Variants in PARPBP observed in about 807,000 individuals in gnomAD.
PARPBP encodes the protein PARP1 binding protein.
In PARPBP, 52 loss-of-function variants were observed where a neutral mutation model predicts 50.0. That is an observed-to-expected ratio of 1.04 (90% CI 0.83 to 1.31). The LOEUF (loss-of-function observed/expected upper bound fraction) is 1.31, where lower values mean the gene tolerates loss of function less well. Ranked by LOEUF, PARPBP falls within the 50% of genes most tolerant of loss-of-function variation. PARPBP has a pLI of 0.00. For synonymous variants in PARPBP, 244 were observed against 232.1 expected, an observed-to-expected ratio of 1.05 and a Z score of -0.47; for missense variants, 697 against 672.0, an observed-to-expected ratio of 1.04 and a Z score of -0.41.
chr12:102,192,226 A>G (rs1321321615), intron 9 of PARPBP, among the ~76,000 whole-genome samples: 1 of 152,126 alleles, frequency 6.6e-6, no homozygotes, highest in Non-Finnish European at 1.5e-5. Context: ...CTCTCTTCCT[A>G]CATGTTATTA....
chr12:102,195,676 T>A, intron 10 of PARPBP, among the ~76,000 whole-genome samples: 1 of 151,752 alleles, frequency 6.6e-6, no homozygotes. Flanking sequence ...TTGTAGCATA[T>A]GTTTAAGGAT....
At chr12:102,141,248 T>G (rs566439988) in intron 2 of PARPBP, among the ~76,000 whole-genome samples, 1 of 152,278 alleles carries the variant, frequency 6.6e-6, no homozygotes, top group African/African-American at 2.4e-5. Flanking sequence ...TGGCCTTCTT[T>G]GTCTGTTTTG....
At chr12:102,179,056 T>C (rs563769842) in intron 8 of PARPBP, among the ~76,000 whole-genome samples, 1 of 152,218 alleles carries the variant, frequency 6.6e-6, no homozygotes, top group Non-Finnish European at 1.5e-5. Context: ...TCAAGAATTT[T>C]GCTAAATGTT....
chr12:102,158,321 ATATT>A (rs930685437), intron 4 of PARPBP, among the ~76,000 whole-genome samples: 16 of 152,028 alleles, frequency 1.1e-4, no homozygotes, highest in African/African-American at 3.9e-4. Context: ...AGCAAATTAG[ATATT>A]TATTCTTTTA....
intron 6 of PARPBP, among the ~76,000 whole-genome samples, chr12:102,168,121 CCT>C (rs1888333421): frequency 1.3e-5 from 2 of 152,082 alleles, no homozygotes; most frequent in South Asian, 2.1e-4. Flanking sequence ...GCTGTTGTTT[CCT>C]CTCTCATTCT....
intron 9 of PARPBP, among the ~76,000 whole-genome samples, chr12:102,190,962 G>T (rs1890740900): frequency 6.6e-6 from 1 of 152,072 alleles, no homozygotes; most frequent in Non-Finnish European, 1.5e-5. Context: ...GTCTATAAGG[G>T]ACTGAGCAAC....
chr12:102,153,247 C>T (rs574537772), intron 3 of PARPBP, among the ~76,000 whole-genome samples: 1 of 152,246 alleles, frequency 6.6e-6, no homozygotes, highest in African/African-American at 2.4e-5. Flanking sequence ...CCCCTCACTC[C>T]TTCTTCCAAA....
chr12:102,149,408 C>T (rs919035225), intron 3 of PARPBP, among the ~76,000 whole-genome samples: 1 of 152,178 alleles, frequency 6.6e-6, no homozygotes, highest in African/African-American at 2.4e-5. Context: ...TCTGCTCGCC[C>T]ATTTTAGTCC....
At chr12:102,155,690 T>C (rs1215087222) in intron 4 of PARPBP, among the ~76,000 whole-genome samples, 1 of 151,040 alleles carries the variant, frequency 6.6e-6, no homozygotes, top group Non-Finnish European at 1.5e-5. Context: ...TTATGGGAGC[T>C]CTGTTTTCAC....
chr12:102,187,408 A>G (rs906936108), intron 9 of PARPBP, among the ~76,000 whole-genome samples: 2 of 152,152 alleles, frequency 1.3e-5, no homozygotes, highest in African/African-American at 2.4e-5. Context: ...GAAGAGGAAT[A>G]TAGACAAAAT....
chr12:102,176,338 G>A (rs1315652929), intron 7 of PARPBP, among the ~76,000 whole-genome samples: 1 of 152,130 alleles, frequency 6.6e-6, no homozygotes, highest in African/African-American at 2.4e-5. Flanking sequence ...ATAAAAGCCT[G>A]TTTTTTCTGT....
intron 1 of PARPBP, among the ~76,000 whole-genome samples, chr12:102,122,379 A>G (rs1881283984): frequency 1.3e-5 from 2 of 152,354 alleles, no homozygotes; most frequent in South Asian, 4.1e-4. Context: ...TTATATTGCA[A>G]GTGGCATGTA....
intron 8 of PARPBP, among the ~76,000 whole-genome samples, 154 bp downstream of exon 8, chr12:102,178,924 G>A (rs1306374769): frequency 6.6e-6 from 1 of 152,216 alleles, no homozygotes; most frequent in East Asian, 1.9e-4. Context: ...TGAATTCAAA[G>A]AGGTTATATA....
chr12:102,155,594 T>TGCGGG (rs1555216731), intron 4 of PARPBP, among the ~76,000 whole-genome samples: 1 of 40,452 alleles, frequency 2.5e-5, no homozygotes, highest in African/African-American at 7.8e-5. Flanking sequence ...GAGAGCATGG[T>TGCGGG]GGGGGGGGGG....
At chr12:102,158,454 G>C (rs1265242550) in intron 4 of PARPBP, among the ~76,000 whole-genome samples, 1 of 152,148 alleles carries the variant, frequency 6.6e-6, no homozygotes, top group African/African-American at 2.4e-5. Context: ...GCTTCAAGCA[G>C]GTTTTTGTGT....
intron 9 of PARPBP, among the ~76,000 whole-genome samples, chr12:102,189,444 A>C (rs551870520): frequency 6.6e-6 from 1 of 152,334 alleles, no homozygotes; most frequent in Admixed American, 6.5e-5. Context: ...AGCTCTTGAA[A>C]TGTGGCCACT....
intron 9 of PARPBP, among the ~76,000 whole-genome samples, chr12:102,191,254 T>G (rs1258396121): frequency 2.0e-5 from 3 of 152,194 alleles, no homozygotes; most frequent in Non-Finnish European, 4.4e-5. Flanking sequence ...ATGACAATTA[T>G]GATGTAGGAT....
chr12:102,154,272 C>T (rs1230741715), intron 4 of PARPBP, among the ~76,000 whole-genome samples: 1 of 152,184 alleles, frequency 6.6e-6, no homozygotes, highest in Non-Finnish European at 1.5e-5. Context: ...CTTTGGTAAA[C>T]TTCACATTTA....
intron 6 of PARPBP, among the ~76,000 whole-genome samples, chr12:102,170,790 G>A (rs1888609217): frequency 6.6e-6 from 1 of 151,572 alleles, no homozygotes; most frequent in African/African-American, 2.4e-5. Context: ...TTAAAATTTT[G>A]AAACTTTTTG....
Sources: gnomAD v4.1 joint callset for allele counts (sites outside exome capture counted in the v4.1 genomes callset) on GRCh38, gnomAD v4.1.1 for gene constraint, MANE v1.5 for transcripts, NCBI Gene and HGNC (gene_info 2026-07-23, HGNC 2026-07-21) for gene names.